Variants in HERC6 observed in about 807,000 individuals in gnomAD.
HERC6 encodes HECT and RLD domain containing E3 ubiquitin protein ligase family member 6, also known as probable E3 ubiquitin-protein ligase HERC6.
HERC6 carries 101 observed loss-of-function variants against 114.5 expected under a neutral mutation model. That is an observed-to-expected ratio of 0.88 (90% CI 0.75 to 1.04). The LOEUF is 1.04. Ranked by LOEUF, HERC6 falls within the 50% of genes least tolerant of loss-of-function variation. The probability of loss-of-function intolerance (pLI) is 0.00; values close to 1 mark genes in which losing one functional copy is unlikely to be tolerated. For missense variants in HERC6, 1,133 were observed against 1,230.9 expected (o/e 0.92, Z 1.19); for synonymous variants, 408 against 436.2 (o/e 0.94, Z 0.81).
At chr4:88,398,054 G>A (rs1006470468) in intron 7 of HERC6, 88 bp from the exon 8 acceptor site, 43 of 735,562 alleles carry the variant, frequency 5.8e-5, no homozygotes, top group Non-Finnish European at 9.4e-5. Flanking sequence ...TAAATTGCCA[G>A]TAAGTAAATA....
At chr4:88,379,763 T>A (rs1445193201) in intron 1 of HERC6, among the ~76,000 whole-genome samples, 8 of 99,194 alleles carry the variant, frequency 8.1e-5, no homozygotes, top group African/African-American at 3.3e-4. Context: ...TATAAATATA[T>A]ATAATATATA....
intron 3 of HERC6, among the ~76,000 whole-genome samples, chr4:88,389,775 T>G (rs1227679190): frequency 6.6e-6 from 1 of 152,116 alleles, no homozygotes; most frequent in Non-Finnish European, 1.5e-5. Flanking sequence ...AGAATAGAAA[T>G]AGAAGGAAAT....
chr4:88,435,420 A>C (rs1388675869), intron 17 of HERC6, among the ~76,000 whole-genome samples: 1 of 152,110 alleles, frequency 6.6e-6, no homozygotes, highest in South Asian at 2.1e-4. Context: ...GAAGGGAAAG[A>C]CTATAAAATT....
chr4:88,426,666 G>T (rs1737663500), intron 15 of HERC6, among the ~76,000 whole-genome samples: 1 of 150,950 alleles, frequency 6.6e-6, no homozygotes, highest in Admixed American at 6.6e-5. Flanking sequence ...AGTAGAGACG[G>T]GGTTTCACCA....
intron 15 of HERC6, among the ~76,000 whole-genome samples, chr4:88,426,773 G>T (rs1369660423): frequency 6.6e-6 from 1 of 152,224 alleles, no homozygotes; most frequent in Non-Finnish European, 1.5e-5. Context: ...ACCACGCCCG[G>T]ACTAGTTACT....
Position 88,396,131 on chromosome 4 carries a change from A to G in HERC6, c.876A>G (p.Ile292Met), listed in dbSNP as rs1450470293. 1.3e-6 allele frequency: 2 copies of G among 1,597,660 alleles called. No individual in the cohort carries two copies. The highest frequency in any genetic ancestry group is 3.5e-5 in the Admixed American group (2 of 57,162). The change falls in exon 6 of 23, where the codon ATA becomes ATG. Residue 292 changes from isoleucine to methionine, a missense_variant. Transcript: ENST00000264346. ...GAATTGATGGCCTAGTTTCGCAGAT[A>G]GATTGTGGAAGGTAATAGGCTTCTT... ...VERIDGLVSQIDCGSYHTLAY... is the reference protein window; with the variant it reads ...VERIDGLVSQMDCGSYHTLAY...
chr4:88,408,132 T>C (rs975313764), intron 10 of HERC6, among the ~76,000 whole-genome samples: 34 of 152,148 alleles, frequency 2.2e-4, no homozygotes, highest in African/African-American at 8.2e-4. Context: ...AAAAGTAAAG[T>C]CATGCTAATA....
At chr4:88,389,905 G>A (rs781314043) in intron 3 of HERC6, among the ~76,000 whole-genome samples, 16 of 151,944 alleles carry the variant, frequency 1.1e-4, no homozygotes, top group South Asian at 2.1e-4. Flanking sequence ...AGCCAGGCAC[G>A]GTAGCTCATG....
chr4:88,409,637 C>A lies in HERC6; in HGVS notation c.1368+1020C>A, dbSNP rs74597186. Reference sequence around the variant, plus strand: ...CAGGATAACCTTATCCTGGACTGATCAACTGAAAAGCCACTTCTGTATTCT... The same window carrying A: ...CAGGATAACCTTATCCTGGACTGATAAACTGAAAAGCCACTTCTGTATTCT... On this transcript the variant is annotated intron_variant, in intron 11 of 22. Transcript: ENST00000264346. Among the ~76,000 whole-genome samples the A allele has an allele frequency of 6.3e-3, 965 of 152,282 alleles. 16 individuals are homozygous for A. The highest frequency in any genetic ancestry group is 0.022 in the African/African-American group (917 of 41,566).
chr4:88,393,603 AT>A (rs1376036329), intron 5 of HERC6, 21 bp downstream of exon 5: 25 of 1,509,734 alleles, frequency 1.7e-5, no homozygotes, highest in South Asian at 2.3e-5. Flanking sequence ...ACGTGTTGCT[AT>A]TTTTTTGAGT....
chr4:88,388,138 AT>A (rs10707148), intron 3 of HERC6, among the ~76,000 whole-genome samples: 10,912 of 151,114 alleles, frequency 0.072, 1,265 homozygotes, highest in African/African-American at 0.25. Flanking sequence ...CTTAGATTAG[AT>A]TTTTTTTTTC....
At chr4:88,431,412 G>A in intron 17 of HERC6, 107 bp downstream of exon 17, 4 of 1,248,582 alleles carry the variant, frequency 3.2e-6, no homozygotes, top group Non-Finnish European at 4.4e-6. Flanking sequence ...ATAGAGCTTT[G>A]CTACTCATAT....
intron 15 of HERC6, among the ~76,000 whole-genome samples, chr4:88,426,434 C>T (rs987391060): frequency 6.6e-6 from 1 of 151,540 alleles, no homozygotes; most frequent in Non-Finnish European, 1.5e-5. Context: ...TCCCAAAGTG[C>T]TGGGATTACA....
chr4:88,416,795 CTA>C lies in HERC6; in HGVS notation c.1559-628_1559-627del, dbSNP rs1455596308. Among the ~76,000 whole-genome samples, 4 of 152,126 alleles carry C rather than the reference CTA, an allele frequency of 2.6e-5. No individual in the cohort carries two copies. In the East Asian group the frequency reaches 5.8e-4, roughly 22 times the overall value. The stretch of plus-strand genomic sequence containing the variant: ...GTATTTGAGTCTACTTATGGAATCT[CTA>C]TGTGTTTGCTTTTCATATATCTAGG... On this transcript the variant is annotated intron_variant, in intron 12 of 22. Transcript: ENST00000264346.
intron 15 of HERC6, among the ~76,000 whole-genome samples, 185 bp downstream of exon 15, chr4:88,424,887 C>A (rs1368080968): frequency 1.3e-5 from 2 of 152,244 alleles, no homozygotes; most frequent in East Asian, 3.9e-4. Flanking sequence ...ATTTCAGTTC[C>A]AATGTCTCTT....
chr4:88,432,486 G>A lies in HERC6; in HGVS notation c.2250+1181G>A, dbSNP rs193255821. Among the ~76,000 whole-genome samples, 460 of 152,118 alleles carry A rather than the reference G, an allele frequency of 3.0e-3. 1 individual carries two copies. Among genetic ancestry groups the A allele is most frequent in the Middle Eastern group, 0.01 (3 of 294 alleles). The stretch of plus-strand genomic sequence containing the variant: ...TGTAATACCAGCACTTTGGGAGGCC[G>A]AGGTGGGGGGATTACTTGAGGTCAG... On this transcript the variant is annotated intron_variant, in intron 17 of 22. Coordinates refer to ENST00000264346, the MANE Select transcript of HERC6 (RefSeq NM_017912.4).
At chr4:88,396,710 T>C in intron 6 of HERC6, 141 bp from the exon 7 acceptor site, 1 of 620,306 alleles carries the variant, frequency 1.6e-6, no homozygotes, top group South Asian at 4.2e-5. Flanking sequence ...CCTCTAACAC[T>C]GACATTGTGA....
intron 1 of HERC6, among the ~76,000 whole-genome samples, chr4:88,382,536 G>GAGAA (rs772925006): frequency 3.0e-4 from 46 of 152,244 alleles, no homozygotes; most frequent in Non-Finnish European, 4.9e-4. Flanking sequence ...GGTTTTGCTA[G>GAGAA]AGAAACATTT....
In HERC6 at chr4:88,435,784, C is replaced by T; in HGVS notation, c.2310C>T (p.Phe770=). ...GAATGCTGTGTGGACTCTCCTTATT[C>T]AATTTAAATGTTGCTAACCTTCCTT... ...LFGMLCGLSL[F]NLNVANLPFP... The change falls in exon 18 of 23, where the codon TTC becomes TTT. Residue 770 remains phenylalanine, a synonymous_variant. Transcript: ENST00000264346. 1 of 1,610,568 alleles carries T rather than the reference C, an allele frequency of 6.2e-7. No individual in the cohort carries two copies. The highest frequency in any genetic ancestry group is 8.5e-7 in the Non-Finnish European group (1 of 1,178,038).
Sources: allele counts gnomAD v4.1 joint callset (sites outside exome capture counted in the v4.1 genomes callset), GRCh38; gene constraint gnomAD v4.1.1; transcripts MANE v1.5; gene names NCBI Gene and HGNC (gene_info 2026-07-23, HGNC 2026-07-21).